POC1A: variants seen among roughly 807,000 people sequenced by gnomAD.
POC1A encodes the protein POC1 centriolar protein A, also known as POC1 centriolar protein homolog A.
POC1A carries 34 observed loss-of-function variants against 47.8 expected under a neutral mutation model. That is an observed-to-expected ratio of 0.71 (90% CI 0.54 to 0.95). The LOEUF (loss-of-function observed/expected upper bound fraction) is 0.95. Ranked by LOEUF, POC1A falls within the 40% of genes least tolerant of loss-of-function variation. POC1A has a pLI of 0.00. For synonymous variants in POC1A, 177 were observed against 207.6 expected (o/e 0.85, Z 1.27); for missense variants, 466 against 528.3 (o/e 0.88, Z 1.16).
Position 52,154,354 on chromosome 3 carries a change from C to A in POC1A, c.18+1G>T. 4 of 1,545,944 alleles carry A rather than the reference C, an allele frequency of 2.6e-6. No individual in the cohort carries two copies. The highest frequency in any genetic ancestry group is 2.9e-5 in the African/African-American group (2 of 70,126). On this transcript the variant is annotated splice_donor_variant, in intron 1 of 10. Coordinates refer to ENST00000296484, the MANE Select transcript of POC1A (RefSeq NM_015426.5). LOFTEE classifies it high-confidence loss of function. ...GGGGAGTTGCTCTCGGCTGGGCTTA[C>A]CGCGCAGGGCGCAGCCATGGCGGGG...
At chr3:52,104,173 G>A (rs183875776) in intron 9 of POC1A, among the ~76,000 whole-genome samples, 1 of 152,160 alleles carries the variant, frequency 6.6e-6, no homozygotes, top group East Asian at 1.9e-4. Flanking sequence ...TAACAATGTG[G>A]GTCAATCTCA....
intron 9 of POC1A, among the ~76,000 whole-genome samples, chr3:52,111,624 C>T (rs1207536087): frequency 8.1e-6 from 1 of 124,210 alleles, no homozygotes; most frequent in Non-Finnish European, 1.6e-5. Context: ...CCAGCCTAGG[C>T]AAGAATGGCT....
In POC1A at chr3:52,120,308, T is replaced by C. The variant is rs530340687; in HGVS notation, c.981+2071A>G. 2.0e-4 allele frequency among the ~76,000 whole-genome samples: 31 copies of C among 152,262 alleles called. No individual in the cohort carries two copies. In the South Asian group the frequency reaches 6.4e-3, roughly 32 times the overall value. ...GCAAAACAAACTAAAAACCTAGCTC[T>C]CCTCTTGGCCTGGGAGTCCTCAGAT... On this transcript the variant is annotated intron_variant, in intron 9 of 10. Coordinates refer to ENST00000296484, the MANE Select transcript of POC1A (RefSeq NM_015426.5).
intron 7 of POC1A, among the ~76,000 whole-genome samples, chr3:52,126,809 A>C (rs1704021212): frequency 6.6e-6 from 1 of 152,244 alleles, no homozygotes; most frequent in Non-Finnish European, 1.5e-5. Context: ...CCCCATGGTA[A>C]CAAACCCACT....
In POC1A at chr3:52,079,454, G is replaced by A. The variant is rs528009147; in HGVS notation, c.1126-3469C>T. Among the ~76,000 whole-genome samples, 28 of 152,302 alleles carry A rather than the reference G, an allele frequency of 1.8e-4. No individual in the cohort carries two copies. Among genetic ancestry groups the A allele is most frequent in the African/African-American group, 6.5e-4 (27 of 41,560 alleles). ...AGGCAAATACCTCTGCGGCCTCCCCGGGTCCACACTCCATGGCCTGGAAGC... is the reference window on the plus strand; with the variant it reads ...AGGCAAATACCTCTGCGGCCTCCCCAGGTCCACACTCCATGGCCTGGAAGC... On this transcript the variant is annotated intron_variant, in intron 10 of 10. Transcript: ENST00000296484. The surrounding 1 kb of genome is among the most constrained non-coding windows in gnomAD (Gnocchi z 4.6).
rs1704368702 is a variant in POC1A at position 52,134,604 on chromosome 3, C to T, written c.813+3565G>A. Among the ~76,000 whole-genome samples the T allele has an allele frequency of 2.6e-5, 4 of 152,234 alleles. No individual in the cohort carries two copies. In the South Asian group the frequency reaches 8.3e-4, roughly 32 times the overall value. On this transcript the variant is annotated intron_variant, in intron 7 of 10. Transcript: ENST00000296484. ...CTGAGATCGCACCACTGCACTCCAG[C>T]CTGGGCGACAGGGCGAAACTGTCTC...
intron 6 of POC1A, among the ~76,000 whole-genome samples, chr3:52,141,079 T>A (rs1048920416): frequency 6.6e-6 from 1 of 152,234 alleles, no homozygotes; most frequent in African/African-American, 2.4e-5. Flanking sequence ...AAGAGAGAAC[T>A]CTGACTCCAG....
At chr3:52,101,339 C>T (rs538471708) in intron 9 of POC1A, among the ~76,000 whole-genome samples, 1 of 151,872 alleles carries the variant, frequency 6.6e-6, no homozygotes. Flanking sequence ...TCTTTACTGT[C>T]CTAAGCATGA....
intron 6 of POC1A, 135 bp from the exon 7 acceptor site, chr3:52,138,437 A>G: frequency 1.1e-6 from 1 of 884,716 alleles, no homozygotes; most frequent in African/African-American, 1.7e-5. Flanking sequence ...ATTGCTCAGA[A>G]GAGCTGTGGG....
In POC1A at chr3:52,122,448, A is replaced by G. The variant is rs915588052; in HGVS notation, c.912T>C (p.Ile304=). 8 of 1,612,234 alleles carry G rather than the reference A, an allele frequency of 5.0e-6. No individual in the cohort carries two copies. Among genetic ancestry groups the G allele is most frequent in the African/African-American group, 4.0e-5 (3 of 74,858 alleles). ...CTTTCGTGACTTCTCCATGATCAACAATATCAAAGTTACTCTTCCAAACCA... is the reference window on the plus strand; with the variant it reads ...CTTTCGTGACTTCTCCATGATCAACGATATCAAAGTTACTCTTCCAAACCA... ...QVMVWKSNFD[I]VDHGEVTKVP... is the part of the protein sequence containing the mutation. The change falls in exon 9 of 11, where the codon ATT becomes ATC. Residue 304 remains isoleucine (I), a synonymous_variant. Coordinates refer to ENST00000296484, the MANE Select transcript of POC1A (RefSeq NM_015426.5).
At chr3:52,131,724 G>A (rs1704220737) in intron 7 of POC1A, among the ~76,000 whole-genome samples, 1 of 152,152 alleles carries the variant, frequency 6.6e-6, no homozygotes, top group Admixed American at 6.5e-5. Flanking sequence ...CCCAACCAGG[G>A]GACAGATTCC....
At chr3:52,135,316 G>C (rs1704408563) in intron 7 of POC1A, among the ~76,000 whole-genome samples, 1 of 152,232 alleles carries the variant, frequency 6.6e-6, no homozygotes, top group African/African-American at 2.4e-5. Flanking sequence ...TTAACCAAAT[G>C]CCCAAATTAA....
At chr3:52,095,827 C>A (rs1179684993) in intron 10 of POC1A, among the ~76,000 whole-genome samples, 1 of 152,248 alleles carries the variant, frequency 6.6e-6, no homozygotes, top group Non-Finnish European at 1.5e-5. Flanking sequence ...AATGGCCCTG[C>A]CAAGCATGCC....
intron 10 of POC1A, 27 bp from the exon 11 acceptor site, chr3:52,076,012 G>C: frequency 6.3e-7 from 1 of 1,575,050 alleles, no homozygotes; most frequent in Non-Finnish European, 8.7e-7. Context: ...GGTTGGGTCA[G>C]AACACAGAAG....
At chr3:52,105,893 A>T (rs1703160691) in intron 9 of POC1A, among the ~76,000 whole-genome samples, 1 of 152,166 alleles carries the variant, frequency 6.6e-6, no homozygotes, top group Non-Finnish European at 1.5e-5. Flanking sequence ...GGAAGGTGCT[A>T]GGTCATTTTT....
Position 52,153,237 on chromosome 3 carries a change from TTG to T in POC1A, c.18+1116_18+1117del, listed in dbSNP as rs199589469. Among the ~76,000 whole-genome samples, 1,443 of 152,354 alleles carry T rather than the reference TTG, an allele frequency of 9.5e-3. 59 individuals carry two copies. Among genetic ancestry groups the T allele is most frequent in the Admixed American group, 0.081 (1,241 of 15,290 alleles). ...GAGACTCTCTCCATCCAATAGCAGC[TTG>T]TGTCTTAACACTTGAAGGGTTATAA... is the stretch of plus-strand genomic sequence containing the variant. On this transcript the variant is annotated intron_variant, in intron 1 of 10. Transcript: ENST00000296484.
chr3:52,122,498 A>C, intron 8 of POC1A, 21 bp from the exon 9 acceptor site: 2 of 1,437,862 alleles, frequency 1.4e-6, no homozygotes, highest in Non-Finnish European at 2.0e-6. Context: ...CAACAGGCAC[A>C]CCAAGTCAGG....
Position 52,138,309 on chromosome 3 carries a change from G to A in POC1A, c.680-7C>T, listed in dbSNP as rs751590542. 6.2e-7 allele frequency: 1 copy of A among 1,608,804 alleles called. No homozygotes were observed. The highest frequency in any genetic ancestry group is 8.5e-7 in the Non-Finnish European group (1 of 1,177,398). ...TTCACTGCTGCACTGTGCACTGGGG[G>A]AAGGACATCAGTCAGGTGCTGGCTA... On this transcript the variant is annotated splice_polypyrimidine_tract_variant and splice_region_variant and intron_variant, in intron 6 of 10. Coordinates refer to ENST00000296484, the MANE Select transcript of POC1A (RefSeq NM_015426.5).
chr3:52,140,118 G>A (rs147028253), intron 6 of POC1A, among the ~76,000 whole-genome samples: 1 of 152,296 alleles, frequency 6.6e-6, no homozygotes, highest in African/African-American at 2.4e-5. Context: ...AACACGAAAC[G>A]GCCCTCAACA....
Sources: allele counts gnomAD v4.1 joint callset (sites outside exome capture counted in the v4.1 genomes callset), GRCh38; gene constraint gnomAD v4.1.1; non-coding constraint Gnocchi (gnomAD v3.1); transcripts MANE v1.5; gene names NCBI Gene and HGNC (gene_info 2026-07-23, HGNC 2026-07-21).